Variants in MAP3K15 observed in about 807,000 individuals in gnomAD.
The protein encoded by MAP3K15 is MAPK/ERK kinase kinase 15.
Under a neutral mutation model 99.5 loss-of-function variants are expected in MAP3K15, and 124 were observed. That is an observed-to-expected ratio of 1.25 (90% CI 1.08 to 1.45). MAP3K15 has a LOEUF of 1.45. MAP3K15 is among the 40% of genes most tolerant of loss of function. The pLI, the probability that MAP3K15 is intolerant of heterozygous loss-of-function variation, is 0.00. For synonymous variants in MAP3K15, 494 were observed against 439.6 expected (o/e 1.12, Z -1.55); for missense variants, 1,242 against 1,079.7 (o/e 1.15, Z -2.11).
intron 25 of MAP3K15, among the ~76,000 whole-genome samples, chrX:19,368,623 G>C (rs2063352021): frequency 1.8e-5 from 2 of 111,554 alleles, no homozygotes; most frequent in Non-Finnish European, 1.9e-5. Context: ...CTCGGGGTCG[G>C]GATTATGGGA....
At chrX:19,478,491 G>GA (rs1353094443) in intron 3 of MAP3K15, among the ~76,000 whole-genome samples, 14 of 107,224 alleles carry the variant, frequency 1.3e-4, no homozygotes, top group African/African-American at 4.4e-4. Flanking sequence ...ATGGCAAGAG[G>GA]AAAAAAACAG....
At chrX:19,403,393 A>C (rs1344257086) in intron 13 of MAP3K15, among the ~76,000 whole-genome samples, 1 of 110,373 alleles carries the variant, frequency 9.1e-6, no homozygotes, top group African/African-American at 3.3e-5. Flanking sequence ...TATATTTGGC[A>C]GCATTTTTTC....
chrX:19,426,818 CAAAAAAAAAAAAAA>C (rs746106862), intron 7 of MAP3K15, among the ~76,000 whole-genome samples: 1 of 21,148 alleles, frequency 4.7e-5, no homozygotes, highest in South Asian at 4.4e-3. Flanking sequence ...AATCTGTCTC[CAAAAAAAAAAAAAA>C]AAAAAAAAAA....
chrX:19,399,760 A>C (rs922326122), intron 14 of MAP3K15, among the ~76,000 whole-genome samples: 1 of 103,103 alleles, frequency 9.7e-6, no homozygotes, highest in African/African-American at 3.8e-5. Flanking sequence ...AAAAAAAAAA[A>C]AAAAAACATG....
chrX:19,398,490 T>G, intron 14 of MAP3K15, 131 bp from the exon 15 acceptor site: 1 of 689,852 alleles, frequency 1.4e-6, no homozygotes, highest in Non-Finnish European at 2.1e-6. Flanking sequence ...CAAGTCACAG[T>G]GCTTAGCTTA....
At chrX:19,424,227 T>G (rs1180127320) in intron 9 of MAP3K15, among the ~76,000 whole-genome samples, 1 of 100,595 alleles carries the variant, frequency 9.9e-6, no homozygotes, top group African/African-American at 4.4e-5. Flanking sequence ...CACACATATA[T>G]GTACACACAT....
At chrX:19,405,442 A>C (rs897440554) in intron 13 of MAP3K15, among the ~76,000 whole-genome samples, 13 of 112,316 alleles carry the variant, frequency 1.2e-4, no homozygotes, top group Admixed American at 1.1e-3. Context: ...GTACTCTTGG[A>C]AAGTATTAAG....
At chrX:19,424,999 A>G (rs1157028717) in intron 9 of MAP3K15, among the ~76,000 whole-genome samples, 1 of 110,415 alleles carries the variant, frequency 9.1e-6, no homozygotes, top group Non-Finnish European at 1.9e-5. Context: ...TTTGAGAACC[A>G]CTGATACAGA....
At chrX:19,508,740 CA>C (rs1321483361) in intron 1 of MAP3K15, among the ~76,000 whole-genome samples, 1 of 109,140 alleles carries the variant, frequency 9.2e-6, no homozygotes, top group East Asian at 2.9e-4. Flanking sequence ...CAAAATGCGC[CA>C]GGGGTGGTGA....
In MAP3K15 at chrX:19,400,624, T is replaced by C. The variant is rs1195949667; in HGVS notation, c.1884A>G (p.Ala628=). The C allele has an allele frequency of 8.3e-7, 1 of 1,208,783 alleles. No individual in the cohort carries two copies. Among genetic ancestry groups the C allele is most frequent in the Non-Finnish European group, 1.1e-6 (1 of 893,361 alleles). Residue 628 remains alanine (A), a synonymous_variant, in exon 14 of 29, where the codon GCA becomes GCG. Transcript: ENST00000338883. ...CTCCCTCCAGCTCCACCGTACTGCC[T>C]GCTGTATTGGTTATCATCTCTTTGA... ...SLVKEMITNT[A]GSTVELEGET... is the part of the protein sequence containing the mutation.
chrX:19,492,919 G>T (rs1030105586), intron 1 of MAP3K15, among the ~76,000 whole-genome samples: 3 of 110,964 alleles, frequency 2.7e-5, no homozygotes, highest in Admixed American at 9.7e-5. Flanking sequence ...GTGAGCCAAG[G>T]TTGCACCACT....
At chrX:19,462,882 G>A (rs1458253215) in intron 4 of MAP3K15, among the ~76,000 whole-genome samples, 2 of 112,197 alleles carry the variant, frequency 1.8e-5, no homozygotes, top group African/African-American at 6.5e-5. Context: ...TTCAGAGGGT[G>A]GAATCCACCA....
At chrX:19,446,795 T>C (rs1225742274) in intron 6 of MAP3K15, among the ~76,000 whole-genome samples, 2 of 111,241 alleles carry the variant, frequency 1.8e-5, no homozygotes, top group Non-Finnish European at 3.8e-5. Flanking sequence ...GCACCTGGAG[T>C]ACAACTAAAG....
intron 1 of MAP3K15, among the ~76,000 whole-genome samples, chrX:19,514,503 C>G (rs1318745423): frequency 2.3e-5 from 1 of 43,167 alleles, no homozygotes; most frequent in African/African-American, 1.1e-4. Flanking sequence ...AAAGGCAGGA[C>G]GGTCCTGTTG....
chrX:19,466,379 T>A (rs1175480303), intron 3 of MAP3K15, among the ~76,000 whole-genome samples: 2 of 111,691 alleles, frequency 1.8e-5, no homozygotes, highest in Non-Finnish European at 3.8e-5. Flanking sequence ...GGAGGTAACT[T>A]GATCATCAGG....
chrX:19,438,922 G>A (rs1162716805), intron 6 of MAP3K15, among the ~76,000 whole-genome samples: 1 of 112,231 alleles, frequency 8.9e-6, no homozygotes, highest in African/African-American at 3.2e-5. Flanking sequence ...CTGAGTCCGG[G>A]CACAGTGGCT....
At chrX:19,406,212 T>G (rs954178898) in intron 13 of MAP3K15, among the ~76,000 whole-genome samples, 1 of 112,309 alleles carries the variant, frequency 8.9e-6, no homozygotes, top group African/African-American at 3.2e-5. Flanking sequence ...AGAGTTACCA[T>G]AAGACCCAGC....
chrX:19,500,724 G>A (rs1417405456), intron 1 of MAP3K15, among the ~76,000 whole-genome samples: 2 of 112,369 alleles, frequency 1.8e-5, no homozygotes, highest in South Asian at 7.3e-4. Context: ...TTCCAACCAT[G>A]TTATTTGGCC....
intron 6 of MAP3K15, among the ~76,000 whole-genome samples, chrX:19,438,354 C>T (rs1452211747): frequency 8.9e-6 from 1 of 111,978 alleles, no homozygotes; most frequent in African/African-American, 3.2e-5. Flanking sequence ...GTGATCCTCT[C>T]GCCTTGGCCT....
Sources: gnomAD v4.1 joint callset for allele counts (sites outside exome capture counted in the v4.1 genomes callset) on GRCh38, gnomAD v4.1.1 for gene constraint, MANE v1.5 for transcripts, NCBI Gene and HGNC (gene_info 2026-07-23, HGNC 2026-07-21) for gene names.